DESI2: variants seen among roughly 807,000 people sequenced by gnomAD.
The protein encoded by DESI2 is desumoylating isopeptidase 2, also known as deubiquitinase DESI2.
DESI2 carries 10 observed loss-of-function variants against 24.1 expected under a neutral mutation model. The observed-to-expected ratio is 0.41, with a 90% CI of 0.26 to 0.70. The LOEUF (loss-of-function observed/expected upper bound fraction) is 0.70. DESI2 is among the 30% of genes least tolerant of loss of function. The pLI is 0.29. For synonymous variants in DESI2, 71 were observed against 87.7 expected, an observed-to-expected ratio of 0.81 and a Z score of 1.06; for missense variants, 122 against 234.9, an observed-to-expected ratio of 0.52 and a Z score of 3.14.
chr1:244,706,091 A>C lies in DESI2; in HGVS notation c.*302A>C. 1 of 281,284 alleles carries C rather than the reference A, an allele frequency of 3.6e-6. No homozygotes were observed. The highest frequency in any genetic ancestry group is 6.8e-6 in the Non-Finnish European group (1 of 147,074). 17.4% of individuals were successfully genotyped at this position (281,284 alleles called of 1,614,324 possible). ...CAGTATCTTGTATCGCTGTTTACAA[A>C]TCTTGCATGGACTCCTGCCACAGTG... On this transcript the variant is annotated 3_prime_UTR_variant, in exon 5 of 5. Coordinates refer to ENST00000302550, the MANE Select transcript of DESI2 (RefSeq NM_016076.5).
intron 3 of DESI2, 44 bp from the exon 4 acceptor site, chr1:244,691,834 AT>A (rs770446184): frequency 9.7e-6 from 14 of 1,443,512 alleles, no homozygotes; most frequent in Non-Finnish European, 8.4e-6. Context: ...TGACACAACT[AT>A]GTCCTTATTT....
chr1:244,705,656 C>G lies in DESI2; in HGVS notation c.452C>G (p.Thr151Arg). 1 of 1,614,140 alleles carries G rather than the reference C, an allele frequency of 6.2e-7. No homozygotes were observed. Among genetic ancestry groups the G allele is most frequent in the South Asian group, 1.1e-5 (1 of 91,088 alleles). ...AGTTGCCTCCCGAAGGAGTGGCTCA[C>G]GCCCGCAGCCCTGCAGTCTAGTGTC... is the stretch of plus-strand genomic sequence containing the variant. ...LQSCLPKEWL[T>R]PAALQSSVSQ... The change falls in exon 5 of 5, where the codon ACG becomes AGG. Residue 151 changes from threonine to arginine, a missense_variant. By Grantham distance (71) the Thr-to-Arg change is moderately conservative (BLOSUM62 -1). Coordinates refer to ENST00000302550, the MANE Select transcript of DESI2 (RefSeq NM_016076.5).
At chr1:244,687,517 A>G (rs1404356816) in intron 2 of DESI2, among the ~76,000 whole-genome samples, 1 of 152,186 alleles carries the variant, frequency 6.6e-6, no homozygotes, top group African/African-American at 2.4e-5. Context: ...TCTTAAGAAT[A>G]TATTATTGCA....
chr1:244,680,623 C>T (rs962643141), intron 1 of DESI2, among the ~76,000 whole-genome samples: 1 of 152,204 alleles, frequency 6.6e-6, no homozygotes, highest in Non-Finnish European at 1.5e-5. Context: ...ATGCTCAGTT[C>T]AATCACTTAG....
At chr1:244,702,614 A>G (rs898610385) in intron 4 of DESI2, among the ~76,000 whole-genome samples, 6 of 152,246 alleles carry the variant, frequency 3.9e-5, no homozygotes, top group Non-Finnish European at 8.8e-5. Flanking sequence ...TGGACTATTC[A>G]TAGTCCCAAC....
At chr1:244,701,884 AT>A (rs1677479624) in intron 4 of DESI2, among the ~76,000 whole-genome samples, 1 of 152,114 alleles carries the variant, frequency 6.6e-6, no homozygotes, top group Non-Finnish European at 1.5e-5. Flanking sequence ...CACTTGGTTA[AT>A]TTTAGTCTTT....
rs1216872674 is a variant in DESI2, at chr1:244,709,000, A to G, written c.*3211A>G. ...GGCTATCATGTTACAACATTGAAATACATTGATTTATTAAAAAATACTTTT... is the reference window on the plus strand; with the variant it reads ...GGCTATCATGTTACAACATTGAAATGCATTGATTTATTAAAAAATACTTTT... On this transcript the variant is annotated 3_prime_UTR_variant, in exon 5 of 5. Coordinates refer to ENST00000302550, the MANE Select transcript of DESI2 (RefSeq NM_016076.5). 1.3e-5 allele frequency: 2 copies of G among 152,484 alleles called. No individual in the cohort carries two copies. Among genetic ancestry groups the G allele is most frequent in the Admixed American group, 6.5e-5 (1 of 15,282 alleles). 9.4% of individuals were successfully genotyped at this position (152,484 alleles called of 1,614,324 possible).
At chr1:244,694,584 T>A (rs368494128) in intron 4 of DESI2, 19 of 827,176 alleles carry the variant, frequency 2.3e-5, no homozygotes, top group Admixed American at 1.7e-5. Flanking sequence ...ACTGCCGTTA[T>A]ACTTTCTCTT....
At chr1:244,699,914 TGA>T (rs890434742) in intron 4 of DESI2, among the ~76,000 whole-genome samples, 1 of 152,200 alleles carries the variant, frequency 6.6e-6, no homozygotes, top group Admixed American at 6.5e-5. Flanking sequence ...CTCAAACCTA[TGA>T]GAGCAGGGAG....
In DESI2 at chr1:244,687,751, C is replaced by T. The variant is rs567998729; in HGVS notation, c.115+1082C>T. Among the ~76,000 whole-genome samples, 207 of 152,346 alleles carry T rather than the reference C, an allele frequency of 1.4e-3. 1 individual carries two copies. The highest frequency in any genetic ancestry group is 1.8e-3 in the Non-Finnish European group (123 of 68,030). ...ATCTACCAAATAATCCCAGGAAATA[C>T]TGAGGGGCTCTTGCTGGAAGTTTCA... On this transcript the variant is annotated intron_variant, in intron 2 of 4. Coordinates refer to ENST00000302550, the MANE Select transcript of DESI2 (RefSeq NM_016076.5).
At chr1:244,704,765 T>G (rs1677627884) in intron 4 of DESI2, among the ~76,000 whole-genome samples, 2 of 152,070 alleles carry the variant, frequency 1.3e-5, no homozygotes, top group African/African-American at 4.8e-5. Context: ...TTCAGGTGAT[T>G]CTCCTGCCCC....
Position 244,708,329 on chromosome 1 carries a change from C to T in DESI2, c.*2540C>T, listed in dbSNP as rs1279229994. 6.6e-6 allele frequency: 1 copy of T among 152,504 alleles called. No individual in the cohort carries two copies. Among genetic ancestry groups the T allele is most frequent in the Non-Finnish European group, 1.5e-5 (1 of 68,022 alleles). The allele number at this position is 152,504 out of a possible 1,614,324, so 9.4% of individuals were successfully genotyped here. On this transcript the variant is annotated 3_prime_UTR_variant, in exon 5 of 5. Transcript: ENST00000302550. The stretch of plus-strand genomic sequence containing the variant: ...CTTGGGGTTTTTTTTTAAACCCTTA[C>T]AAGGGGAGCATCAGCTTTGGAAAGT...
At chr1:244,703,754 A>G (rs1318645283) in intron 4 of DESI2, among the ~76,000 whole-genome samples, 3 of 150,252 alleles carry the variant, frequency 2.0e-5, no homozygotes, top group East Asian at 2.0e-4. Context: ...CGCCTCCCAG[A>G]TTCACGCCAT....
At chr1:244,671,171 A>G (rs1676232694) in intron 1 of DESI2, among the ~76,000 whole-genome samples, 2 of 152,208 alleles carry the variant, frequency 1.3e-5, no homozygotes, top group South Asian at 2.1e-4. Context: ...TTCCTTTGGT[A>G]TGTTAGGAAG....
chr1:244,705,961 G>A lies in DESI2; in HGVS notation c.*172G>A, dbSNP rs919334435. ...AATCAAAAAAAAAAAATCACTTGGC[G>A]CAGGAGGGAGAACTTTGTAAGAAGC... On this transcript the variant is annotated 3_prime_UTR_variant, in exon 5 of 5. Coordinates refer to ENST00000302550, the MANE Select transcript of DESI2 (RefSeq NM_016076.5). The A allele has an allele frequency of 1.0e-4, 62 of 593,318 alleles. No individual in the cohort carries two copies. The highest frequency in any genetic ancestry group is 4.6e-4 in the South Asian group (22 of 47,888). The allele number at this position is 593,318 out of a possible 1,614,324, so 36.8% of individuals were successfully genotyped here. A position where few individuals can be genotyped will look rare whatever the true frequency, so the allele number is the denominator to read the frequency against.
chr1:244,678,110 GT>G (rs1168021036), intron 1 of DESI2, among the ~76,000 whole-genome samples: 2 of 152,162 alleles, frequency 1.3e-5, no homozygotes, highest in Non-Finnish European at 2.9e-5. Context: ...GGAGGTAACA[GT>G]ACCACTTGCA....
chr1:244,686,290 CACTA>C (rs1391460132), intron 1 of DESI2, among the ~76,000 whole-genome samples: 5 of 145,592 alleles, frequency 3.4e-5, no homozygotes, highest in South Asian at 4.5e-4. Flanking sequence ...GTGTGTAAGT[CACTA>C]ACAGCAGAGC....
At chr1:244,676,366 C>T (rs1008269586) in intron 1 of DESI2, among the ~76,000 whole-genome samples, 13 of 152,118 alleles carry the variant, frequency 8.5e-5, no homozygotes, top group South Asian at 2.1e-4. Flanking sequence ...TGTGAGCCAC[C>T]GCGCCTGGCC....
At chr1:244,664,696 CAAAAAT>C (rs1263343911) in intron 1 of DESI2, among the ~76,000 whole-genome samples, 1 of 152,102 alleles carries the variant, frequency 6.6e-6, no homozygotes, top group Non-Finnish European at 1.5e-5. Context: ...GACCCTGTCT[CAAAAAT>C]AAATACAAAT....
Sources: gnomAD v4.1 joint callset for allele counts (sites outside exome capture counted in the v4.1 genomes callset) on GRCh38, gnomAD v4.1.1 for gene constraint, MANE v1.5 for transcripts, NCBI Gene and HGNC (gene_info 2026-07-23, HGNC 2026-07-21) for gene names.